The following BLTP1 variants were observed in gnomAD, a reference collection of about 807,000 sequenced individuals.
BLTP1 encodes bridge-like lipid transfer protein family member 1.
At chr4:122,295,826 A>G in the BLTP1 span, among the ~76,000 whole-genome samples, 3 of 152,224 alleles carry the variant, frequency 2.0e-5, no homozygotes, top group African/African-American at 7.2e-5. Context: ...AGAACTAAAG[A>G]CAAAAACCAC....
chr4:122,291,731 G>T, the BLTP1 span: 1 of 979,632 alleles, frequency 1.0e-6, no homozygotes, highest in African/African-American at 1.7e-5. Flanking sequence ...TTAGAATTGG[G>T]CCAGGTATAT....
At chr4:122,359,489 C>A in the BLTP1 span, 1 of 1,532,754 alleles carries the variant, frequency 6.5e-7, no homozygotes, top group Non-Finnish European at 8.8e-7. Flanking sequence ...GAAATGAAAC[C>A]AATTCTGTTC....
At chr4:122,196,804 A>G in the BLTP1 span, 1 of 1,383,474 alleles carries the variant, frequency 7.2e-7, no homozygotes, top group Non-Finnish European at 9.9e-7. Context: ...AATTATTATA[A>G]TAATATAGTA....
chr4:122,358,827 T>C, the BLTP1 span, among the ~76,000 whole-genome samples: 65 of 152,270 alleles, frequency 4.3e-4, no homozygotes, highest in Admixed American at 3.5e-3. Flanking sequence ...TATGAAAATA[T>C]TAATGGCAAA....
chr4:122,255,260 TC>T, the BLTP1 span: 1 of 1,605,236 alleles, frequency 6.2e-7, no homozygotes, highest in Non-Finnish European at 8.5e-7. Context: ...GGCAAATTAC[TC>T]CATCATTGAT....
the BLTP1 span, among the ~76,000 whole-genome samples, chr4:122,285,745 C>T: frequency 6.6e-6 from 1 of 152,026 alleles, no homozygotes; most frequent in Non-Finnish European, 1.5e-5. Flanking sequence ...TGGTAATGTG[C>T]AGAAGAATAT....
the BLTP1 span, chr4:122,209,862 C>T: frequency 4.3e-6 from 7 of 1,613,402 alleles, no homozygotes; most frequent in African/African-American, 8.0e-5. Flanking sequence ...GTCATGCTTA[C>T]AATTGATTAT....
At chr4:122,192,894 A>T in the BLTP1 span, among the ~76,000 whole-genome samples, 31 of 152,200 alleles carry the variant, frequency 2.0e-4, no homozygotes, top group Non-Finnish European at 2.9e-5. Context: ...ATCACAGATA[A>T]TGTGGCTTAA....
the BLTP1 span, chr4:122,185,132 A>G: frequency 1.0e-6 from 1 of 983,588 alleles, no homozygotes; most frequent in Non-Finnish European, 1.2e-6. Flanking sequence ...TCCTGTAGGA[A>G]TGAAGTTATA....
At chr4:122,258,809 C>T in the BLTP1 span, 1 of 1,613,606 alleles carries the variant, frequency 6.2e-7, no homozygotes, top group Middle Eastern at 1.7e-4. Context: ...CTTTCTAAAA[C>T]TCATACCCAT....
At chr4:122,352,786 A>AT in the BLTP1 span, 1 of 1,246,450 alleles carries the variant, frequency 8.0e-7, no homozygotes, top group Non-Finnish European at 1.1e-6. Context: ...CAGGCACTGG[A>AT]CACTGTTTTC....
the BLTP1 span, chr4:122,343,351 T>C: frequency 6.2e-7 from 1 of 1,600,056 alleles, no homozygotes; most frequent in Non-Finnish European, 8.5e-7. Context: ...TAAGAACATA[T>C]TATTGACTGG....
At chr4:122,174,302 A>G in the BLTP1 span, 7 of 985,050 alleles carry the variant, frequency 7.1e-6, no homozygotes, top group Admixed American at 4.3e-4. Flanking sequence ...GCAGTGCATA[A>G]TTAAGGGAAT....
chr4:122,285,188 G>A, the BLTP1 span, among the ~76,000 whole-genome samples: 21 of 152,064 alleles, frequency 1.4e-4, no homozygotes, highest in Non-Finnish European at 2.6e-4. Flanking sequence ...GGATCTTAGA[G>A]TAAACATATT....
At chr4:122,320,988 T>C in the BLTP1 span, among the ~76,000 whole-genome samples, 1 of 150,960 alleles carries the variant, frequency 6.6e-6, no homozygotes, top group East Asian at 1.9e-4. Context: ...CTTTTTCTTT[T>C]CTTTTTTTTT....
At chr4:122,248,299 T>C in the BLTP1 span, among the ~76,000 whole-genome samples, 1 of 152,056 alleles carries the variant, frequency 6.6e-6, no homozygotes, top group Non-Finnish European at 1.5e-5. Flanking sequence ...CTGGGTATTA[T>C]ACAGACCATA....
chr4:122,269,702 AATATGT>A, the BLTP1 span: 1 of 984,498 alleles, frequency 1.0e-6, no homozygotes, highest in Admixed American at 6.2e-5. Context: ...TTCTTGTATG[AATATGT>A]ATAACTCTCC....
the BLTP1 span, chr4:122,348,512 G>T: frequency 1.4e-6 from 2 of 1,451,534 alleles, no homozygotes; most frequent in Non-Finnish European, 1.8e-6. Flanking sequence ...TTTTTGCTTT[G>T]TAACTAGCTT....
At chr4:122,264,817 T>C in the BLTP1 span, among the ~76,000 whole-genome samples, 1 of 152,166 alleles carries the variant, frequency 6.6e-6, no homozygotes, top group Non-Finnish European at 1.5e-5. Flanking sequence ...GTAGAAATAT[T>C]ATATGAGTAG....
Sources: gnomAD v4.1 joint callset for allele counts (sites outside exome capture counted in the v4.1 genomes callset) on GRCh38, gnomAD v4.1.1 for gene constraint, MANE v1.5 for transcripts, NCBI Gene and HGNC (gene_info 2026-07-23, HGNC 2026-07-21) for gene names.